The following PMF1 variants were observed in gnomAD, a reference collection of about 807,000 sequenced individuals.
PMF1 encodes the protein polyamine-modulated factor 1.
Under a neutral mutation model 26.7 loss-of-function variants are expected in PMF1, and 21 were observed. That is an observed-to-expected ratio of 0.79 (90% CI 0.56 to 1.13). The LOEUF (loss-of-function observed/expected upper bound fraction) is 1.13. Among genes scored for constraint, PMF1 ranks in the 50% most tolerant of loss-of-function variants. The pLI is 0.00. For synonymous variants in PMF1, 105 were observed against 101.0 expected, an observed-to-expected ratio of 1.04 and a Z score of -0.24; for missense variants, 266 against 254.9, an observed-to-expected ratio of 1.04 and a Z score of -0.30.
At chr1:156,229,576 GTT>G (rs57035472) in intron 1 of PMF1, among the ~76,000 whole-genome samples, 3 of 147,110 alleles carry the variant, frequency 2.0e-5, no homozygotes, top group Admixed American at 1.4e-4. Flanking sequence ...TTTTGTTTTT[GTT>G]TTTTTTTTTG....
At chr1:156,232,126 A>G (rs1460688777) in intron 1 of PMF1, among the ~76,000 whole-genome samples, 194 bp from the exon 2 acceptor site, 1 of 152,186 alleles carries the variant, frequency 6.6e-6, no homozygotes, top group Non-Finnish European at 1.5e-5. Flanking sequence ...GAGGATGCTG[A>G]TGGGGCATTG....
At chr1:156,231,774 A>G (rs1381429194) in intron 1 of PMF1, among the ~76,000 whole-genome samples, 1 of 152,204 alleles carries the variant, frequency 6.6e-6, no homozygotes, top group Non-Finnish European at 1.5e-5. Context: ...AGAAGCCCCA[A>G]AGTAGAGTGG....
At position 156,236,250 on chromosome 1, in the gene PMF1, C is replaced by T. The variant is rs199864770; in HGVS notation, c.369-38C>T. ...TGAACCTTCTTCCACAAGGGCCTTC[C>T]GCCTCCTTCATTCCTTGTGCCCCGT... On this transcript the variant is annotated intron_variant, in intron 3 of 4. Coordinates refer to ENST00000368277, the MANE Select transcript of PMF1 (RefSeq NM_007221.4). 326 of 1,576,540 alleles carry T rather than the reference C, an allele frequency of 2.1e-4. No homozygotes were observed. In the African/African-American group the frequency reaches 2.3e-3, roughly 11 times the overall value.
intron 1 of PMF1, among the ~76,000 whole-genome samples, chr1:156,215,050 G>A (rs1160121144): frequency 6.6e-6 from 1 of 150,802 alleles, no homozygotes; most frequent in Non-Finnish European, 1.5e-5. Flanking sequence ...GCTAATTTTT[G>A]TATTTTTTAG....
intron 1 of PMF1, chr1:156,223,360 C>A (rs953336180): frequency 1.3e-5 from 2 of 152,064 alleles, no homozygotes; most frequent in Non-Finnish European, 2.9e-5. Context: ...TTTTCTAGCT[C>A]CTCCGGTCAT....
intron 1 of PMF1, among the ~76,000 whole-genome samples, chr1:156,231,671 C>T (rs1305497197): frequency 6.6e-6 from 1 of 152,078 alleles, no homozygotes; most frequent in Non-Finnish European, 1.5e-5. Flanking sequence ...CCACTGCACT[C>T]CAGCCGGGTG....
chr1:156,238,559 T>C (rs921702933), intron 4 of PMF1, among the ~76,000 whole-genome samples: 2 of 152,234 alleles, frequency 1.3e-5, no homozygotes, highest in Non-Finnish European at 2.9e-5. Context: ...TCGAACTCTC[T>C]CCATCCTTCA....
chr1:156,219,819 A>C (rs1221729035), intron 1 of PMF1, among the ~76,000 whole-genome samples: 1 of 151,812 alleles, frequency 6.6e-6, no homozygotes, highest in Non-Finnish European at 1.5e-5. Context: ...GCATGATCAC[A>C]GCTCACTGCA....
At position 156,239,845 on chromosome 1, in the gene PMF1, G is replaced by A. The variant is rs1408851005; in HGVS notation, c.*244G>A. The A allele has an allele frequency of 1.4e-5, 7 of 494,368 alleles. No homozygotes were observed. Among genetic ancestry groups the A allele is most frequent in the Non-Finnish European group, 2.5e-5 (7 of 278,108 alleles). The allele number at this position is 494,368 out of a possible 1,614,324, so 30.6% of individuals were successfully genotyped here. On this transcript the variant is annotated 3_prime_UTR_variant, in exon 5 of 5. Coordinates refer to ENST00000368277, the MANE Select transcript of PMF1 (RefSeq NM_007221.4). ...GTTTCTTCTACCTGGATAATTCTTGGCCATGTTCTCTCTTCTCTAGGTTCA... is the reference window on the plus strand; with the variant it reads ...GTTTCTTCTACCTGGATAATTCTTGACCATGTTCTCTCTTCTCTAGGTTCA...
Position 156,213,196 on chromosome 1 carries a change from G to A in PMF1, c.161+20G>A, listed in dbSNP as rs777694619. On this transcript the variant is annotated intron_variant, in intron 1 of 4. Coordinates refer to ENST00000368277, the MANE Select transcript of PMF1 (RefSeq NM_007221.4). ...CGGCAGGTAAAGTGGACGCAGCCGC[G>A]GTGGGAGTGTTTGTTGGCACCGAAG... The A allele has an allele frequency of 6.2e-7, 1 of 1,609,090 alleles. No individual in the cohort carries two copies. The highest frequency in any genetic ancestry group is 8.5e-7 in the Non-Finnish European group (1 of 1,176,286).
chr1:156,233,781 C>CT (rs57899002), intron 3 of PMF1, 53 bp downstream of exon 3: 237,195 of 1,207,064 alleles, frequency 0.2, no homozygotes, highest in South Asian at 0.22. Flanking sequence ...AGCAATTAAG[C>CT]TTTTTTTTTT....
Position 156,231,147 on chromosome 1 carries a change from G to A in PMF1, c.162-1173G>A, listed in dbSNP as rs1253491550. On this transcript the variant is annotated intron_variant, in intron 1 of 4. Transcript: ENST00000368277. ...CAGGAGAATGGTGTGAACGCGGGAG[G>A]CGGAGCTTGCAGTGAGCCGAGATCG... Among the ~76,000 whole-genome samples, 8 of 149,656 alleles carry A rather than the reference G, an allele frequency of 5.3e-5. No individual in the cohort carries two copies. In the South Asian group the frequency reaches 1.3e-3, roughly 24 times the overall value.
intron 1 of PMF1, among the ~76,000 whole-genome samples, chr1:156,228,288 T>TTTTTTC (rs1371074585): frequency 3.5e-5 from 5 of 143,882 alleles, no homozygotes; most frequent in Non-Finnish European, 6.1e-5. Flanking sequence ...TTTTTTTTTT[T>TTTTTTC]AGTGTATCAC....
chr1:156,236,583 A>G lies in PMF1; in HGVS notation c.564+100A>G, dbSNP rs555349134. Reference sequence around the variant, plus strand: ...CCATTCCAACACAGGGGACCCCCACAGGGGGTAGGAGAGCTTGCCCCCTGG... The same window carrying G: ...CCATTCCAACACAGGGGACCCCCACGGGGGGTAGGAGAGCTTGCCCCCTGG... On this transcript the variant is annotated intron_variant, in intron 4 of 4. Transcript: ENST00000368277. The G allele has an allele frequency of 5.4e-5, 77 of 1,421,444 alleles. No homozygotes were observed. The African/African-American group carries it at 1.0e-3, about 19-fold the overall frequency. 88.1% of individuals were successfully genotyped at this position (1,421,444 alleles called of 1,614,324 possible).
chr1:156,216,818 C>T (rs980416370), intron 1 of PMF1, among the ~76,000 whole-genome samples: 3 of 151,822 alleles, frequency 2.0e-5, no homozygotes, highest in Non-Finnish European at 2.9e-5. Flanking sequence ...TGGCCAGGGC[C>T]GATCGACTCG....
intron 1 of PMF1, among the ~76,000 whole-genome samples, chr1:156,218,064 TC>T (rs1056322641): frequency 2.6e-5 from 4 of 152,258 alleles, no homozygotes; most frequent in African/African-American, 9.6e-5. Flanking sequence ...TATTTGTCAT[TC>T]TGCCAGGTGT....
chr1:156,233,563 G>A, intron 2 of PMF1, 65 bp from the exon 3 acceptor site: 1 of 1,536,466 alleles, frequency 6.5e-7, no homozygotes, highest in South Asian at 1.1e-5. Flanking sequence ...GCTGTCAGCA[G>A]TTTAGCATAT....
At chr1:156,220,453 A>G (rs1658018684) in intron 1 of PMF1, among the ~76,000 whole-genome samples, 1 of 151,886 alleles carries the variant, frequency 6.6e-6, no homozygotes. Context: ...GGATCAAGTG[A>G]TCCTCCCGCC....
At chr1:156,220,445 A>T (rs1336030682) in intron 1 of PMF1, among the ~76,000 whole-genome samples, 1 of 151,456 alleles carries the variant, frequency 6.6e-6, no homozygotes, top group Non-Finnish European at 1.5e-5. Context: ...AACTTCTAGG[A>T]TCAAGTGATC....
Sources: gnomAD v4.1 joint callset for allele counts (sites outside exome capture counted in the v4.1 genomes callset) on GRCh38, gnomAD v4.1.1 for gene constraint, MANE v1.5 for transcripts, NCBI Gene and HGNC (gene_info 2026-07-23, HGNC 2026-07-21) for gene names.